Variants in FGF13 observed in about 807,000 individuals in gnomAD.
FGF13 encodes the protein fibroblast growth factor 13, also known as fibroblast growth factor homologous factor 2.
FGF13 carries 2 observed loss-of-function variants against 19.5 expected under a neutral mutation model. That is an observed-to-expected ratio of 0.10 (90% CI 0.04 to 0.32). FGF13 has a LOEUF of 0.32. Ranked by LOEUF, FGF13 falls within the 10% of genes least tolerant of loss-of-function variation. The pLI is 1.00. For synonymous variants in FGF13, 72 were observed against 76.9 expected (o/e 0.94, Z 0.33); for missense variants, 113 against 192.7 (o/e 0.59, Z 2.45).
At chrX:138,717,580 G>T (rs1178576331) in intron 1 of FGF13, among the ~76,000 whole-genome samples, 1 of 110,313 alleles carries the variant, frequency 9.1e-6, no homozygotes, top group Non-Finnish European at 1.9e-5. Context: ...CTCTGATAGG[G>T]CATGGGGATT....
chrX:138,960,836 C>T (rs905304437), intron 1 of FGF13, among the ~76,000 whole-genome samples: 1 of 111,825 alleles, frequency 8.9e-6, no homozygotes, highest in Non-Finnish European at 1.9e-5. Flanking sequence ...AAATAGTTCT[C>T]GTGCCATAGT....
In FGF13 at chrX:138,635,482, A is replaced by G. The variant is rs781727512; in HGVS notation, c.576T>C (p.Ala192=). 3.3e-6 allele frequency: 4 copies of G among 1,209,770 alleles called. No homozygotes were observed. Among genetic ancestry groups the G allele is most frequent in the Admixed American group, 2.2e-5 (1 of 45,671 alleles). ...CTTTCAGTGGTTTAGGCAGAAAATG[A>G]GCTGCAGGCTTGTTCTTCTTCACAT... ...GNHVKKNKPA[A]HFLPKPLKVA... is the part of the protein sequence containing the mutation. The change falls in exon 4 of 5, where the codon GCT becomes GCC. Residue 192 remains alanine (A), a synonymous_variant. Transcript: ENST00000315930.
At chrX:138,668,891 T>G (rs918254223) in intron 3 of FGF13, among the ~76,000 whole-genome samples, 4 of 110,315 alleles carry the variant, frequency 3.6e-5, no homozygotes, top group African/African-American at 1.3e-4. Flanking sequence ...AAGGGAGAAA[T>G]GGATTTTAGT....
chrX:138,711,444 C>G lies in FGF13; in HGVS notation c.-441G>C. 22 of 693,140 alleles carry G rather than the reference C, an allele frequency of 3.2e-5. No individual in the cohort carries two copies. Among genetic ancestry groups the G allele is most frequent in the Non-Finnish European group, 3.8e-5 (22 of 583,591 alleles). The allele number at this position is 693,140 out of a possible 1,213,427, so 57.1% of individuals were successfully genotyped here. A position where few individuals can be genotyped will look rare whatever the true frequency, so the allele number is the denominator to read the frequency against. ...GGGAGGCGGGCGGAGGGAGTGAGCGCGGGCGGGAGAGAGGCCGGGAGCTCG... is the reference window on the plus strand; with the variant it reads ...GGGAGGCGGGCGGAGGGAGTGAGCGGGGGCGGGAGAGAGGCCGGGAGCTCG... On this transcript the variant is annotated 5_prime_UTR_variant, in exon 1 of 5. Transcript: ENST00000315930.
chrX:138,864,037 T>C (rs2091303525), intron 2 of FGF13, among the ~76,000 whole-genome samples: 1 of 111,832 alleles, frequency 8.9e-6, no homozygotes, highest in African/African-American at 3.3e-5. Flanking sequence ...TAGATGCCAG[T>C]GGCACTGCTC....
intron 3 of FGF13, among the ~76,000 whole-genome samples, chrX:138,683,399 ACTCT>A (rs756855993): frequency 7.6e-4 from 80 of 104,605 alleles, no homozygotes; most frequent in East Asian, 1.8e-3. Flanking sequence ...ACACAAACAC[ACTCT>A]CTCTCTCTCT....
At chrX:138,854,225 CA>C (rs2091243561), downstream of FGF13, among the ~76,000 whole-genome samples, 1 of 111,710 alleles carries the variant, frequency 9.0e-6, no homozygotes, top group South Asian at 3.7e-4. Context: ...AATATTATAT[CA>C]TAAGTGGTTT....
At chrX:138,777,765 C>T (rs939341537) in intron 3 of FGF13, among the ~76,000 whole-genome samples, 15 of 111,607 alleles carry the variant, frequency 1.3e-4, no homozygotes, top group Admixed American at 8.6e-4. Context: ...AGAACCTTGA[C>T]GCCAAATCTC....
chrX:139,163,386 C>G (rs1457239861), intron 1 of FGF13, among the ~76,000 whole-genome samples: 1 of 109,894 alleles, frequency 9.1e-6, no homozygotes, highest in Non-Finnish European at 1.9e-5. Flanking sequence ...ACACTGGGGC[C>G]TGTCAGGGGG....
chrX:139,009,545 C>A (rs1192437606), intron 1 of FGF13, among the ~76,000 whole-genome samples: 1 of 111,396 alleles, frequency 9.0e-6, no homozygotes, highest in Non-Finnish European at 1.9e-5. Context: ...TTGTATCCAG[C>A]AAAACTAAGC....
At chrX:138,817,425 G>T (rs1007936055) in intron 3 of FGF13, among the ~76,000 whole-genome samples, 1 of 111,832 alleles carries the variant, frequency 8.9e-6, no homozygotes, top group Admixed American at 9.5e-5. Flanking sequence ...GAACATAACT[G>T]GTTCTTAATT....
intron 1 of FGF13, among the ~76,000 whole-genome samples, chrX:138,964,160 G>A (rs747655025): frequency 2.7e-5 from 3 of 111,966 alleles, no homozygotes; most frequent in Admixed American, 1.9e-4. Context: ...AGGCAAGTCT[G>A]TAGAGAAAGA....
chrX:138,800,034 G>A (rs763520886), intron 3 of FGF13, among the ~76,000 whole-genome samples: 17 of 111,590 alleles, frequency 1.5e-4, no homozygotes, highest in Admixed American at 1.4e-3. Flanking sequence ...TCCAATTTGC[G>A]AGTCTGTGTC....
intron 1 of FGF13, among the ~76,000 whole-genome samples, chrX:138,886,488 C>A (rs963524985): frequency 2.7e-5 from 3 of 112,149 alleles, no homozygotes; most frequent in African/African-American, 9.7e-5. Flanking sequence ...AATTGGGACA[C>A]AAAAACAGAA....
chrX:139,003,465 G>T (rs770175948), intron 1 of FGF13, among the ~76,000 whole-genome samples: 19 of 111,922 alleles, frequency 1.7e-4, no homozygotes, highest in Admixed American at 1.2e-3. Flanking sequence ...GCCAATGCTG[G>T]CTCGGGCAGC....
At chrX:139,101,310 A>G (rs966290419) in intron 1 of FGF13, among the ~76,000 whole-genome samples, 1 of 112,483 alleles carries the variant, frequency 8.9e-6, no homozygotes, top group East Asian at 2.8e-4. Flanking sequence ...AAATCAATAA[A>G]TCTACTTTTT....
intron 1 of FGF13, among the ~76,000 whole-genome samples, chrX:138,937,106 A>G (rs912916564): frequency 9.1e-6 from 1 of 110,458 alleles, no homozygotes; most frequent in East Asian, 2.9e-4. Context: ...TCTCCAGTCC[A>G]TCTCTACCCC....
intron 3 of FGF13, among the ~76,000 whole-genome samples, chrX:138,641,892 G>A (rs2089254936): frequency 9.0e-6 from 1 of 111,475 alleles, no homozygotes; most frequent in Admixed American, 9.6e-5. Context: ...AGATACTTGA[G>A]GGCAGCTCCT....
intron 3 of FGF13, among the ~76,000 whole-genome samples, chrX:138,752,792 G>A (rs1388317811): frequency 1.8e-5 from 2 of 111,863 alleles, no homozygotes; most frequent in African/African-American, 6.5e-5. Context: ...TTGGACCAAA[G>A]CACAGACCAT....
Sources: allele counts gnomAD v4.1 joint callset (sites outside exome capture counted in the v4.1 genomes callset), GRCh38; gene constraint gnomAD v4.1.1; transcripts MANE v1.5; gene names NCBI Gene and HGNC (gene_info 2026-07-23, HGNC 2026-07-21).